Variants in DECR1 observed in about 807,000 individuals in gnomAD.
The protein encoded by DECR1 is 2,4-dienoyl-CoA reductase [(3E)-enoyl-CoA-producing], mitochondrial.
A neutral mutation model predicts 38.8 loss-of-function variants in DECR1; 44 were observed. The observed-to-expected ratio is 1.13, with a 90% CI of 0.89 to 1.46. The LOEUF (loss-of-function observed/expected upper bound fraction) is 1.46. DECR1 is among the 40% of genes most tolerant of loss of function. The pLI, the probability that DECR1 is intolerant of heterozygous loss-of-function variation, is 0.00. For synonymous variants in DECR1, 148 were observed against 135.2 expected, an observed-to-expected ratio of 1.09 and a Z score of -0.66; for missense variants, 428 against 405.5, an observed-to-expected ratio of 1.06 and a Z score of -0.48.
At chr8:90,024,331 C>A (rs1813247363) in intron 5 of DECR1, among the ~76,000 whole-genome samples, 1 of 152,192 alleles carries the variant, frequency 6.6e-6, no homozygotes, top group Non-Finnish European at 1.5e-5. Context: ...TACAGTCCCA[C>A]CAACAGTGTA....
Position 90,052,645 on chromosome 8 carries a change from T to C in DECR1, c.*748T>C, listed in dbSNP as rs1814128278. Among the ~76,000 whole-genome samples the C allele has an allele frequency of 6.6e-6, 1 of 152,176 alleles. No homozygotes were observed. Among genetic ancestry groups the C allele is most frequent in the Non-Finnish European group, 1.5e-5 (1 of 68,016 alleles). On this transcript the variant is annotated 3_prime_UTR_variant, in exon 10 of 10. Transcript: ENST00000220764. ...TGCCATCCCAGCTGTAAAAGAAGAA[T>C]AGATTTCTCTGGGTAAAAGAGGTAA... is the stretch of plus-strand genomic sequence containing the variant.
intron 6 of DECR1, among the ~76,000 whole-genome samples, chr8:90,039,512 G>T (rs1226124455): frequency 6.6e-6 from 1 of 152,122 alleles, no homozygotes; most frequent in African/African-American, 2.4e-5. Flanking sequence ...ATGTCTACCT[G>T]GTCCCACCCT....
At chr8:90,014,530 A>G (rs529882495) in intron 1 of DECR1, among the ~76,000 whole-genome samples, 1 of 152,320 alleles carries the variant, frequency 6.6e-6, no homozygotes, top group East Asian at 1.9e-4. Flanking sequence ...TAAGATAAAA[A>G]TGTGCTATGT....
At chr8:90,004,301 C>A (rs1812688766) in intron 1 of DECR1, among the ~76,000 whole-genome samples, 1 of 150,806 alleles carries the variant, frequency 6.6e-6, no homozygotes, top group South Asian at 2.1e-4. Flanking sequence ...GAGCCAAGAT[C>A]ACGCCATTGC....
intron 5 of DECR1, among the ~76,000 whole-genome samples, chr8:90,033,016 T>C (rs1297342426): frequency 2.0e-5 from 3 of 152,140 alleles, no homozygotes; most frequent in Non-Finnish European, 4.4e-5. Flanking sequence ...AGGTGATAAA[T>C]CTAGGGTCCA....
At chr8:90,001,718 G>T (rs1049357517) in intron 1 of DECR1, among the ~76,000 whole-genome samples, 157 bp downstream of exon 1, 1 of 150,284 alleles carries the variant, frequency 6.7e-6, no homozygotes, top group Non-Finnish European at 1.5e-5. Flanking sequence ...GCGAGGACAG[G>T]GCATCCCGAG....
chr8:90,011,676 A>G (rs1273917184), intron 1 of DECR1, among the ~76,000 whole-genome samples: 1 of 152,124 alleles, frequency 6.6e-6, no homozygotes, highest in Non-Finnish European at 1.5e-5. Flanking sequence ...TATTAAATGT[A>G]TTAGTATTCT....
In DECR1 at chr8:90,013,018, C is replaced by T. The variant is rs113572765; in HGVS notation, c.70-4106C>T. Among the ~76,000 whole-genome samples the T allele has an allele frequency of 2.6e-3, 398 of 152,250 alleles. 3 individuals are homozygous for T. Among genetic ancestry groups the T allele is most frequent in the African/African-American group, 7.8e-3 (324 of 41,536 alleles). ...TTACTTCTACATGGCAGATCAGTCA[C>T]GAGGTGGGGCTAGGAAAGTATTAAT... On this transcript the variant is annotated intron_variant, in intron 1 of 9. Coordinates refer to ENST00000220764, the MANE Select transcript of DECR1 (RefSeq NM_001359.2).
At chr8:90,030,729 A>G (rs1283396554) in intron 5 of DECR1, among the ~76,000 whole-genome samples, 2 of 152,224 alleles carry the variant, frequency 1.3e-5, no homozygotes, top group Non-Finnish European at 2.9e-5. Flanking sequence ...CTTAGAGTAT[A>G]TAAGAACCAC....
intron 1 of DECR1, among the ~76,000 whole-genome samples, chr8:90,014,761 C>T (rs1312324883): frequency 1.3e-5 from 2 of 152,136 alleles, no homozygotes; most frequent in African/African-American, 2.4e-5. Flanking sequence ...TATGGGAAAG[C>T]CTTCAGAAAA....
intron 5 of DECR1, among the ~76,000 whole-genome samples, chr8:90,021,658 A>G (rs1222354307): frequency 6.6e-6 from 1 of 152,232 alleles, no homozygotes; most frequent in Non-Finnish European, 1.5e-5. Flanking sequence ...AAGGAGTGCC[A>G]TTCAGGAGGA....
rs746891704 is a variant in DECR1, at chr8:90,036,937, G to A, written c.662G>A (p.Ser221Asn). ...ASAKAGVEAM[S>N]KSLAAEWGKY... Reference sequence around the variant, plus strand: ...GCCAAAGCAGGTGTGGAAGCCATGAGCAAGTAAGTACTTCCTTGTCAATCC... The same window carrying A: ...GCCAAAGCAGGTGTGGAAGCCATGAACAAGTAAGTACTTCCTTGTCAATCC... Residue 221 changes from serine to asparagine, a missense_variant, in exon 6 of 10, where the codon AGC (serine) becomes AAC (asparagine). By Grantham distance (46) the Ser-to-Asn change is conservative. Coordinates refer to ENST00000220764, the MANE Select transcript of DECR1 (RefSeq NM_001359.2). 10 of 1,609,908 alleles carry A rather than the reference G, an allele frequency of 6.2e-6. No homozygotes were observed. The highest frequency in any genetic ancestry group is 8.5e-6 in the Non-Finnish European group (10 of 1,176,778).
In DECR1 at chr8:90,019,089, C is replaced by G. The variant is rs749672502; in HGVS notation, c.334C>G (p.His112Asp). 6.8e-6 allele frequency: 11 copies of G among 1,613,834 alleles called. No homozygotes were observed. Among genetic ancestry groups the G allele is most frequent in the Admixed American group, 5.0e-5 (3 of 60,010 alleles). The change falls in exon 4 of 10, where the codon CAT becomes GAT. Residue 112 changes from histidine (H) to aspartate (D), a missense_variant. Physicochemically the swap from His to Asp is moderately conservative, Grantham distance 81 (BLOSUM62 -1). Transcript: ENST00000220764. ...QISSQTGNKV[H>D]AIQCDVRDPD... Reference sequence around the variant, plus strand: ...TATTCTTTTTGTTATTTTGCAGGTTCATGCAATTCAGTGTGATGTGAGGGA... The same window carrying G: ...TATTCTTTTTGTTATTTTGCAGGTTGATGCAATTCAGTGTGATGTGAGGGA...
At chr8:90,036,227 A>G (rs754601573) in intron 5 of DECR1, among the ~76,000 whole-genome samples, 3 of 152,040 alleles carry the variant, frequency 2.0e-5, no homozygotes, top group Non-Finnish European at 4.4e-5. Context: ...ACCGATCTCT[A>G]TCTTCTTAAC....
chr8:90,043,077 G>A (rs1586164086), intron 7 of DECR1, among the ~76,000 whole-genome samples: 3 of 151,982 alleles, frequency 2.0e-5, no homozygotes, highest in South Asian at 2.1e-4. Flanking sequence ...TGTCTGATTT[G>A]TTTCAGTGGT....
At chr8:90,019,451 T>C (rs1416191347) in intron 4 of DECR1, among the ~76,000 whole-genome samples, 3 of 152,206 alleles carry the variant, frequency 2.0e-5, no homozygotes, top group Non-Finnish European at 2.9e-5. Flanking sequence ...GGCATAGCAG[T>C]TGAGAGGCAG....
intron 1 of DECR1, among the ~76,000 whole-genome samples, chr8:90,011,598 G>C (rs1002380793): frequency 6.6e-6 from 1 of 152,030 alleles, no homozygotes; most frequent in African/African-American, 2.4e-5. Flanking sequence ...ATGTCTTTTT[G>C]TTTACTTAGG....
intron 5 of DECR1, among the ~76,000 whole-genome samples, chr8:90,032,440 T>G (rs1213614210): frequency 6.6e-6 from 1 of 152,100 alleles, no homozygotes; most frequent in Non-Finnish European, 1.5e-5. Context: ...TTTTTAAGAG[T>G]TCACGTGATT....
chr8:90,036,760 C>T (rs191046290), intron 5 of DECR1, 81 bp from the exon 6 acceptor site: 117 of 896,318 alleles, frequency 1.3e-4, no homozygotes, highest in Non-Finnish European at 1.8e-4. Flanking sequence ...TTAATCAGAT[C>T]CCATTTTTAT....
Sources: allele counts gnomAD v4.1 joint callset (sites outside exome capture counted in the v4.1 genomes callset), GRCh38; gene constraint gnomAD v4.1.1; transcripts MANE v1.5; gene names NCBI Gene and HGNC (gene_info 2026-07-23, HGNC 2026-07-21).